The following SLC35F4 variants were observed in gnomAD, a reference collection of about 807,000 sequenced individuals.
SLC35F4 encodes solute carrier family 35 member F4.
In SLC35F4, 24 loss-of-function variants were observed where a neutral mutation model predicts 44.2. The observed-to-expected ratio is 0.54, with a 90% CI of 0.39 to 0.76. The LOEUF (loss-of-function observed/expected upper bound fraction) is 0.76. Ranked by LOEUF, SLC35F4 falls within the 30% of genes least tolerant of loss-of-function variation. SLC35F4 has a pLI of 0.00. For missense variants in SLC35F4, 562 were observed against 586.1 expected (o/e 0.96, Z 0.42); for synonymous variants, 238 against 223.6 (o/e 1.06, Z -0.57).
At chr14:57,578,479 A>G (rs935374711) in intron 4 of SLC35F4, among the ~76,000 whole-genome samples, 1 of 151,944 alleles carries the variant, frequency 6.6e-6, no homozygotes, top group Non-Finnish European at 1.5e-5. Context: ...AATTTCTCAA[A>G]TGACCTAATT....
chr14:57,920,051 G>A (rs1255440387), intron 1 of SLC35F4, among the ~76,000 whole-genome samples: 2 of 152,126 alleles, frequency 1.3e-5, no homozygotes, highest in Non-Finnish European at 2.9e-5. Context: ...CAAAACCTGT[G>A]AGATGGATAG....
At chr14:57,604,742 C>G (rs191811257) in intron 1 of SLC35F4, among the ~76,000 whole-genome samples, 2 of 152,256 alleles carry the variant, frequency 1.3e-5, no homozygotes, top group African/African-American at 4.8e-5. Context: ...CAGCATGGTA[C>G]TGGTACAAAA....
chr14:57,872,022 A>G (rs1001459166), intron 1 of SLC35F4, among the ~76,000 whole-genome samples: 1 of 152,212 alleles, frequency 6.6e-6, no homozygotes, highest in Admixed American at 6.5e-5. Context: ...AGAAGACAAA[A>G]CAAATTGTTG....
chr14:57,572,800 C>T (rs1336354051), intron 4 of SLC35F4, among the ~76,000 whole-genome samples: 18 of 152,224 alleles, frequency 1.2e-4, no homozygotes, highest in Admixed American at 1.1e-3. Context: ...CAGGAGTCTA[C>T]TCCCTTAGTG....
chr14:57,702,340 A>C (rs868380238), intron 1 of SLC35F4, among the ~76,000 whole-genome samples: 1,561 of 151,648 alleles, frequency 0.01, 31 homozygotes, highest in African/African-American at 0.035. Context: ...TTAAAAAAAA[A>C]AAAAAAAAAA....
At chr14:57,936,297 C>T (rs1274819321) in intron 1 of SLC35F4, among the ~76,000 whole-genome samples, 1 of 152,156 alleles carries the variant, frequency 6.6e-6, no homozygotes, top group Admixed American at 6.5e-5. Flanking sequence ...GATAAGCCTA[C>T]AGAGATGGTT....
chr14:57,945,174 T>C (rs897256940), intron 1 of SLC35F4, among the ~76,000 whole-genome samples: 5 of 152,108 alleles, frequency 3.3e-5, no homozygotes, highest in Non-Finnish European at 7.4e-5. Flanking sequence ...TCTCTGTTTG[T>C]TATTTAGGTT....
chr14:57,675,151 G>T (rs956612287), intron 1 of SLC35F4, among the ~76,000 whole-genome samples: 2 of 152,188 alleles, frequency 1.3e-5, no homozygotes, highest in East Asian at 3.9e-4. Context: ...GGTAGTGGTG[G>T]TAGGGAACTT....
chr14:57,947,778 A>T (rs1890062859), intron 1 of SLC35F4, among the ~76,000 whole-genome samples: 1 of 152,148 alleles, frequency 6.6e-6, no homozygotes. Context: ...GCTTCTATTG[A>T]GATGATCATA....
chr14:57,883,639 GCTCT>G (rs1382530570), intron 1 of SLC35F4, among the ~76,000 whole-genome samples: 4 of 152,094 alleles, frequency 2.6e-5, no homozygotes, highest in African/African-American at 7.2e-5. Flanking sequence ...GTTTTAATAG[GCTCT>G]CTCTATTTTG....
chr14:57,906,434 C>T (rs1889104968), intron 1 of SLC35F4, among the ~76,000 whole-genome samples: 1 of 152,138 alleles, frequency 6.6e-6, no homozygotes. Context: ...TTTTGGTATT[C>T]TGTCTTATGA....
intron 4 of SLC35F4, chr14:57,581,002 T>G: frequency 1.2e-5 from 5 of 402,502 alleles, no homozygotes; most frequent in Non-Finnish European, 2.2e-5. Flanking sequence ...CCTGTTGGAA[T>G]GAGCTCACTA....
At chr14:57,734,495 A>G (rs2076418988) in intron 1 of SLC35F4, among the ~76,000 whole-genome samples, 1 of 152,188 alleles carries the variant, frequency 6.6e-6, no homozygotes, top group South Asian at 2.1e-4. Context: ...GTGGAGTAAC[A>G]TATTACACTG....
intron 1 of SLC35F4, among the ~76,000 whole-genome samples, chr14:57,862,951 G>T (rs1053549910): frequency 6.6e-6 from 1 of 152,192 alleles, no homozygotes. Context: ...CATAGGAGGT[G>T]CTCAATTAAC....
chr14:57,597,309 C>T (rs1487498729), intron 1 of SLC35F4, among the ~76,000 whole-genome samples: 1 of 152,172 alleles, frequency 6.6e-6, no homozygotes, highest in African/African-American at 2.4e-5. Context: ...AAGACATCTG[C>T]TCACCTGACC....
At chr14:57,730,120 TCTCTTTTGCTCTCCTCAATGC>T in intron 1 of SLC35F4, among the ~76,000 whole-genome samples, 1 of 152,338 alleles carries the variant, frequency 6.6e-6, no homozygotes, top group Admixed American at 6.5e-5. Flanking sequence ...TTCAAGACTG[TCTCTTTTGCTCTCCTCAATGC>T]CTCTTTTGGC....
chr14:57,569,725 T>A (rs1438670382), intron 6 of SLC35F4, 63 bp downstream of exon 6: 3 of 1,433,988 alleles, frequency 2.1e-6, no homozygotes. Flanking sequence ...CCTATGATGA[T>A]AATCTAACTA....
chr14:57,833,141 C>T (rs1335307936), intron 1 of SLC35F4, among the ~76,000 whole-genome samples: 2 of 152,172 alleles, frequency 1.3e-5, no homozygotes, highest in Admixed American at 6.5e-5. Flanking sequence ...CTTACTGTCA[C>T]GTTGTTGTCA....
chr14:57,640,656 T>C (rs1242486207), intron 1 of SLC35F4, among the ~76,000 whole-genome samples: 1 of 152,044 alleles, frequency 6.6e-6, no homozygotes, highest in Non-Finnish European at 1.5e-5. Flanking sequence ...GGAAGTTAAG[T>C]AAAATAACTG....
Sources: gnomAD v4.1 joint callset for allele counts (sites outside exome capture counted in the v4.1 genomes callset) on GRCh38, gnomAD v4.1.1 for gene constraint, MANE v1.5 for transcripts, NCBI Gene and HGNC (gene_info 2026-07-23, HGNC 2026-07-21) for gene names.